Variants in PLEKHA6 observed in about 807,000 individuals in gnomAD.
The protein encoded by PLEKHA6 is pleckstrin homology domain containing A6, also known as pleckstrin homology domain-containing family A member 6.
Under a neutral mutation model 116.7 loss-of-function variants are expected in PLEKHA6, and 60 were observed. The ratio of observed to expected loss-of-function variants is 0.51; its 90% CI spans 0.42 to 0.64. The LOEUF (loss-of-function observed/expected upper bound fraction) is 0.64. Ranked by LOEUF, PLEKHA6 falls within the 30% of genes least tolerant of loss-of-function variation. The pLI is 0.00. For missense variants in PLEKHA6, 1,338 were observed against 1,422.7 expected, an observed-to-expected ratio of 0.94 and a Z score of 0.96; for synonymous variants, 489 against 556.1, an observed-to-expected ratio of 0.88 and a Z score of 1.70.
chr1:204,267,186 C>T (rs1419128752), intron 5 of PLEKHA6, among the ~76,000 whole-genome samples: 2 of 152,210 alleles, frequency 1.3e-5, no homozygotes, highest in Non-Finnish European at 2.9e-5. Context: ...CCCCATTCCT[C>T]CAGGACTTCA....
chr1:204,310,755 G>A (rs912254371), intron 1 of PLEKHA6, among the ~76,000 whole-genome samples: 6 of 152,130 alleles, frequency 3.9e-5, no homozygotes, highest in Non-Finnish European at 8.8e-5. Flanking sequence ...TAGGAACAGA[G>A]GGCAAAGACT....
intron 1 of PLEKHA6, among the ~76,000 whole-genome samples, chr1:204,291,510 A>G (rs991240282): frequency 3.3e-5 from 5 of 152,216 alleles, no homozygotes; most frequent in African/African-American, 1.2e-4. Context: ...GACAGCCCCA[A>G]ACTACAAACA....
intron 1 of PLEKHA6, among the ~76,000 whole-genome samples, chr1:204,328,388 C>T (rs1195653979): frequency 6.8e-6 from 1 of 146,822 alleles, no homozygotes; most frequent in Non-Finnish European, 1.5e-5. Flanking sequence ...AACCCACAGT[C>T]AATTTTCTTT....
At chr1:204,337,759 G>T (rs1349733675) in intron 1 of PLEKHA6, among the ~76,000 whole-genome samples, 2 of 152,160 alleles carry the variant, frequency 1.3e-5, no homozygotes, top group African/African-American at 2.4e-5. Context: ...TGCTCCAGTG[G>T]AAGGGGAGGA....
chr1:204,313,611 T>C (rs908894762), intron 1 of PLEKHA6: 5 of 984,862 alleles, frequency 5.1e-6, no homozygotes, highest in Non-Finnish European at 6.0e-6. Context: ...TGGCAGTCTA[T>C]ATTCCATATT....
At chr1:204,315,724 G>T (rs1671833219) in intron 1 of PLEKHA6, among the ~76,000 whole-genome samples, 1 of 152,234 alleles carries the variant, frequency 6.6e-6, no homozygotes, top group Non-Finnish European at 1.5e-5. Context: ...AATCTAGAGA[G>T]TGGATACAGA....
intron 1 of PLEKHA6, among the ~76,000 whole-genome samples, chr1:204,374,942 G>A (rs1020149634): frequency 6.6e-6 from 1 of 152,106 alleles, no homozygotes; most frequent in Non-Finnish European, 1.5e-5. Flanking sequence ...AAATCCACTA[G>A]GCATTTTTTA....
chr1:204,339,786 CAA>C (rs1368190085), intron 1 of PLEKHA6, among the ~76,000 whole-genome samples: 11 of 152,066 alleles, frequency 7.2e-5, no homozygotes, highest in African/African-American at 2.7e-4. Flanking sequence ...TTTAAAATGA[CAA>C]ATTTATAGAT....
chr1:204,299,107 G>A (rs889353461), intron 1 of PLEKHA6, among the ~76,000 whole-genome samples: 2 of 152,166 alleles, frequency 1.3e-5, no homozygotes, highest in African/African-American at 4.8e-5. Context: ...TCCCCTCTGG[G>A]GCTTCAGCTG....
At chr1:204,225,887 T>A (rs994351155) in intron 21 of PLEKHA6, among the ~76,000 whole-genome samples, 1 of 152,170 alleles carries the variant, frequency 6.6e-6, no homozygotes, top group Non-Finnish European at 1.5e-5. Flanking sequence ...CACAAGACAT[T>A]CGCGCCACAC....
At position 204,257,980 on chromosome 1, in the gene PLEKHA6, A is replaced by G. The variant is rs1571923422; in HGVS notation, c.1008-111T>C. 3 of 914,924 alleles carry G rather than the reference A, an allele frequency of 3.3e-6. No individual in the cohort carries two copies. The highest frequency in any genetic ancestry group is 2.5e-5 in the East Asian group (1 of 40,302). 56.7% of individuals were successfully genotyped at this position (914,924 alleles called of 1,614,324 possible). On this transcript the variant is annotated intron_variant, in intron 8 of 22. Transcript: ENST00000272203. This position sits in a 1 kb window ranked among gnomAD's most constrained non-coding sequence, Gnocchi z 6.5. ...TAGAGCAGGGTGCTTGAATAGGTAC[A>G]CAGGGGCTGAGGTTTATTCCAGAGA...
intron 5 of PLEKHA6, 51 bp from the exon 6 acceptor site, chr1:204,265,093 G>A (rs1006286174): frequency 7.7e-6 from 10 of 1,305,114 alleles, no homozygotes; most frequent in Non-Finnish European, 1.0e-5. Flanking sequence ...GTGCAAGCGT[G>A]TGCGTGCGCC....
intron 1 of PLEKHA6, among the ~76,000 whole-genome samples, chr1:204,288,138 A>C (rs2103011602): frequency 6.6e-6 from 1 of 152,172 alleles, no homozygotes; most frequent in South Asian, 2.1e-4. Context: ...TGCTGCCTCT[A>C]GCCCTGACTC....
At chr1:204,333,594 T>G (rs1672536297) in intron 1 of PLEKHA6, among the ~76,000 whole-genome samples, 1 of 152,228 alleles carries the variant, frequency 6.6e-6, no homozygotes, top group African/African-American at 2.4e-5. Flanking sequence ...TAGTGAATGA[T>G]CTGAAGTTAC....
chr1:204,319,943 G>T (rs1424112366), intron 1 of PLEKHA6, among the ~76,000 whole-genome samples: 1 of 152,112 alleles, frequency 6.6e-6, no homozygotes, highest in African/African-American at 2.4e-5. Flanking sequence ...TGGAATCATG[G>T]TACACCACCC....
chr1:204,255,631 G>T, intron 9 of PLEKHA6: 1 of 702,944 alleles, frequency 1.4e-6, no homozygotes, highest in South Asian at 1.5e-5. Context: ...CCTACCTGCT[G>T]ATCCAAATAC....
rs1486424646 is a variant in PLEKHA6, at chr1:204,223,975, T to C, written c.3032-390A>G. On this transcript the variant is annotated intron_variant, in intron 21 of 22. Coordinates refer to ENST00000272203, the MANE Select transcript of PLEKHA6 (RefSeq NM_014935.5). The surrounding 1 kb of genome is among the most constrained non-coding windows in gnomAD (Gnocchi z 4.8). ...CAGTGTCACTAATGATAATGATTAA[T>C]AGTGCAGTAAAATCACACTAATCCA... 6.6e-6 allele frequency among the ~76,000 whole-genome samples: 1 copy of C among 152,174 alleles called. No homozygotes were observed. Among genetic ancestry groups the C allele is most frequent in the Admixed American group, 6.5e-5 (1 of 15,288 alleles).
intron 1 of PLEKHA6, among the ~76,000 whole-genome samples, chr1:204,328,271 G>A (rs1472468838): frequency 2.0e-5 from 3 of 151,652 alleles, no homozygotes; most frequent in Admixed American, 6.6e-5. Flanking sequence ...TAGTAGAGAC[G>A]GGGTTTCTCT....
intron 21 of PLEKHA6, among the ~76,000 whole-genome samples, chr1:204,225,713 A>C (rs1660261920): frequency 6.6e-6 from 1 of 152,228 alleles, no homozygotes; most frequent in Admixed American, 6.5e-5. Flanking sequence ...TACCACCTGG[A>C]TTCATAAATA....
Sources: allele counts gnomAD v4.1 joint callset (sites outside exome capture counted in the v4.1 genomes callset), GRCh38; gene constraint gnomAD v4.1.1; non-coding constraint Gnocchi (gnomAD v3.1); transcripts MANE v1.5; gene names NCBI Gene and HGNC (gene_info 2026-07-23, HGNC 2026-07-21).